GALNT13: variants seen among roughly 807,000 people sequenced by gnomAD.
GALNT13 encodes the protein polypeptide N-acetylgalactosaminyltransferase 13.
GALNT13 carries 28 observed loss-of-function variants against 64.2 expected under a neutral mutation model. That is an observed-to-expected ratio of 0.44 (90% confidence interval 0.32 to 0.60). The LOEUF (loss-of-function observed/expected upper bound fraction) is 0.60, where lower values mean the gene tolerates loss of function less well. Ranked by LOEUF, GALNT13 falls within the 20% of genes least tolerant of loss-of-function variation. The probability of loss-of-function intolerance (pLI) is 0.05; values close to 1 mark genes in which losing one functional copy is unlikely to be tolerated. For synonymous variants in GALNT13, 214 were observed against 224.6 expected, an observed-to-expected ratio of 0.95 and a Z score of 0.42; for missense variants, 577 against 669.8, an observed-to-expected ratio of 0.86 and a Z score of 1.53.
chr2:153,092,769 C>A, the GALNT13 span, among the ~76,000 whole-genome samples: 1 of 152,206 alleles, frequency 6.6e-6, no homozygotes, highest in South Asian at 2.1e-4. Flanking sequence ...AAGATCATAT[C>A]ATCTGCAAAA....
intron 3 of GALNT13, among the ~76,000 whole-genome samples, chr2:154,139,728 A>G (rs1021598288): frequency 1.1e-4 from 16 of 151,966 alleles, no homozygotes; most frequent in Non-Finnish European, 2.9e-5. Context: ...CGAGAAAATT[A>G]GCCTATATAT....
At chr2:153,175,956 G>A in the GALNT13 span, among the ~76,000 whole-genome samples, 1 of 152,122 alleles carries the variant, frequency 6.6e-6, no homozygotes, top group African/African-American at 2.4e-5. Flanking sequence ...CACCAAAAGA[G>A]TAAAATCTCC....
chr2:153,205,177 G>GTTTT, the GALNT13 span, among the ~76,000 whole-genome samples: 2 of 135,898 alleles, frequency 1.5e-5, no homozygotes, highest in Admixed American at 7.4e-5. Flanking sequence ...AAACTTTAGT[G>GTTTT]TTTTTTTTTT....
the GALNT13 span, among the ~76,000 whole-genome samples, chr2:153,435,951 A>G: frequency 6.6e-6 from 1 of 152,040 alleles, no homozygotes; most frequent in East Asian, 1.9e-4. Context: ...TCAGTATGAT[A>G]TTGGCTGTGG....
At chr2:154,273,695 T>C (rs758450031) in intron 8 of GALNT13, among the ~76,000 whole-genome samples, 17 of 152,174 alleles carry the variant, frequency 1.1e-4, no homozygotes, top group Non-Finnish European at 2.5e-4. Context: ...ACACATGCTT[T>C]TCAAGTTTGT....
the GALNT13 span, among the ~76,000 whole-genome samples, chr2:153,770,924 T>C: frequency 1.3e-5 from 2 of 152,296 alleles, no homozygotes; most frequent in African/African-American, 4.8e-5. Context: ...AGGCATGGAA[T>C]TGGAAGACCT....
At chr2:154,304,272 T>C (rs1040675870) in intron 9 of GALNT13, among the ~76,000 whole-genome samples, 3 of 152,182 alleles carry the variant, frequency 2.0e-5, no homozygotes, top group South Asian at 2.1e-4. Flanking sequence ...CCCTTTACAG[T>C]AGAAATCTAG....
intron 4 of GALNT13, among the ~76,000 whole-genome samples, chr2:154,211,629 C>CAAAAA (rs140095331): frequency 3.1e-3 from 116 of 37,922 alleles, no homozygotes; most frequent in African/African-American, 5.1e-3. Flanking sequence ...ACTCCATCTC[C>CAAAAA]AAAAAAAAAA....
intron 3 of GALNT13, among the ~76,000 whole-genome samples, chr2:154,091,122 A>G (rs997392984): frequency 1.3e-5 from 2 of 152,012 alleles, no homozygotes; most frequent in Non-Finnish European, 2.9e-5. Flanking sequence ...TACTAGGGCT[A>G]TATTTGAAGT....
At chr2:154,050,527 T>C (rs539982120) in intron 3 of GALNT13, among the ~76,000 whole-genome samples, 2 of 152,316 alleles carry the variant, frequency 1.3e-5, no homozygotes, top group African/African-American at 4.8e-5. Context: ...TGGAGAATGA[T>C]TAAATACCAC....
chr2:153,861,122 G>A, the GALNT13 span, among the ~76,000 whole-genome samples: 1 of 152,188 alleles, frequency 6.6e-6, no homozygotes, highest in Non-Finnish European at 1.5e-5. Flanking sequence ...AATGACAGCA[G>A]TGACTTTTAA....
At chr2:153,094,570 G>T in the GALNT13 span, among the ~76,000 whole-genome samples, 1 of 152,096 alleles carries the variant, frequency 6.6e-6, no homozygotes, top group South Asian at 2.1e-4. Context: ...AAAAGAGCCC[G>T]CATTGCCAAG....
chr2:154,030,201 C>G (rs1451802500), intron 3 of GALNT13, among the ~76,000 whole-genome samples: 1 of 151,880 alleles, frequency 6.6e-6, no homozygotes, highest in East Asian at 1.9e-4. Context: ...ATTGAAGAAG[C>G]TCAGAGAACG....
chr2:153,259,075 C>A, the GALNT13 span, among the ~76,000 whole-genome samples: 1 of 152,054 alleles, frequency 6.6e-6, no homozygotes, highest in Non-Finnish European at 1.5e-5. Context: ...ATTGTATTAG[C>A]TCTCATATTT....
the GALNT13 span, among the ~76,000 whole-genome samples, chr2:153,413,988 G>T: frequency 6.6e-6 from 1 of 152,120 alleles, no homozygotes; most frequent in Non-Finnish European, 1.5e-5. Flanking sequence ...TTGTAAGGGA[G>T]AATGGAAGAA....
At chr2:153,595,196 G>A in the GALNT13 span, among the ~76,000 whole-genome samples, 4 of 151,824 alleles carry the variant, frequency 2.6e-5, no homozygotes, top group Admixed American at 1.3e-4. Context: ...ATGATTTGAA[G>A]TGTTAATAGT....
At chr2:153,888,056 C>T (rs1687307200) in intron 1 of GALNT13, among the ~76,000 whole-genome samples, 1 of 151,712 alleles carries the variant, frequency 6.6e-6, no homozygotes, top group Non-Finnish European at 1.5e-5. Flanking sequence ...AATTGATTTC[C>T]CATTTAGAAA....
the GALNT13 span, among the ~76,000 whole-genome samples, chr2:153,090,771 C>T: frequency 6.6e-6 from 1 of 152,092 alleles, no homozygotes; most frequent in Non-Finnish European, 1.5e-5. Flanking sequence ...TGGACTCAAG[C>T]TCTTCTTGGG....
At chr2:154,433,964 C>T (rs1271351654) in intron 11 of GALNT13, among the ~76,000 whole-genome samples, 2 of 152,030 alleles carry the variant, frequency 1.3e-5, no homozygotes, top group African/African-American at 2.4e-5. Flanking sequence ...ATTAGGGTGC[C>T]CTAATCTAAT....
Sources: gnomAD v4.1 joint callset for allele counts (sites outside exome capture counted in the v4.1 genomes callset) on GRCh38, gnomAD v4.1.1 for gene constraint, MANE v1.5 for transcripts, NCBI Gene and HGNC (gene_info 2026-07-23, HGNC 2026-07-21) for gene names.